RAD51B: variants seen among roughly 807,000 people sequenced by gnomAD.
RAD51B encodes RAD51 paralog B, also known as DNA repair protein RAD51 homolog 2.
In RAD51B, 38 loss-of-function variants were observed where a neutral mutation model predicts 42.2. The ratio of observed to expected loss-of-function variants is 0.90; its 90% CI spans 0.70 to 1.18. The LOEUF (loss-of-function observed/expected upper bound fraction) is 1.18. Ranked by LOEUF, RAD51B falls within the 50% of genes most tolerant of loss-of-function variation. RAD51B has a pLI of 0.00. For missense variants in RAD51B, 373 were observed against 400.7 expected (o/e 0.93, Z 0.59); for synonymous variants, 154 against 145.2 (o/e 1.06, Z -0.43).
At chr14:68,227,956 T>C (rs1404968468) in intron 7 of RAD51B, among the ~76,000 whole-genome samples, 1 of 152,242 alleles carries the variant, frequency 6.6e-6, no homozygotes, top group Non-Finnish European at 1.5e-5. Flanking sequence ...ATAGTCATTA[T>C]GTATTAAGGG....
chr14:68,611,256 A>G (rs1354006891), exon 11 of RAD51B: 3 of 702,164 alleles, frequency 4.3e-6, no homozygotes, highest in African/African-American at 3.5e-5. Context: ...AACCCAGCCT[A>G]GTTTTTCACC....
chr14:68,383,679 G>A (rs1320901408), intron 8 of RAD51B, among the ~76,000 whole-genome samples: 1 of 151,872 alleles, frequency 6.6e-6, no homozygotes, highest in Admixed American at 6.6e-5. Flanking sequence ...CTACTTGCAA[G>A]AATGCCATCT....
chr14:68,633,775 C>T (rs757277011), intron 10 of RAD51B, among the ~76,000 whole-genome samples: 10 of 152,238 alleles, frequency 6.6e-5, no homozygotes, highest in Non-Finnish European at 2.9e-5. Flanking sequence ...GTTCCTACCT[C>T]GCCCTAAGAT....
intron 7 of RAD51B, among the ~76,000 whole-genome samples, chr14:68,192,466 A>C (rs957514359): frequency 3.9e-5 from 6 of 152,200 alleles, no homozygotes; most frequent in African/African-American, 1.2e-4. Flanking sequence ...TAATCTTTAT[A>C]TTTCAGCTGA....
At chr14:68,267,928 C>A (rs2081025880) in intron 7 of RAD51B, among the ~76,000 whole-genome samples, 1 of 148,954 alleles carries the variant, frequency 6.7e-6, no homozygotes, top group Non-Finnish European at 1.5e-5. Context: ...ACAGATAAAA[C>A]CAAACTTTTC....
intron 7 of RAD51B, among the ~76,000 whole-genome samples, chr14:68,033,096 C>T (rs1037490812): frequency 4.6e-5 from 7 of 152,086 alleles, no homozygotes; most frequent in African/African-American, 1.4e-4. Flanking sequence ...TCCTTATCTC[C>T]CCCCAAGATT....
intron 7 of RAD51B, among the ~76,000 whole-genome samples, chr14:68,050,894 A>G (rs1326019363): frequency 6.6e-6 from 1 of 151,186 alleles, no homozygotes; most frequent in Admixed American, 6.6e-5. Flanking sequence ...CTTTTTTTTT[A>G]TTTATTTATA....
intron 10 of RAD51B, among the ~76,000 whole-genome samples, chr14:68,492,965 C>T (rs552766264): frequency 1.3e-5 from 2 of 152,310 alleles, no homozygotes; most frequent in African/African-American, 4.8e-5. Flanking sequence ...GATTTAAATT[C>T]TTCTCAGACA....
At chr14:68,403,098 T>A (rs1489363854) in intron 8 of RAD51B, among the ~76,000 whole-genome samples, 1 of 152,246 alleles carries the variant, frequency 6.6e-6, no homozygotes, top group African/African-American at 2.4e-5. Context: ...AGTGGTAACA[T>A]ACCATCTTCT....
At chr14:67,837,112 A>T (rs935862525) in intron 4 of RAD51B, among the ~76,000 whole-genome samples, 3 of 152,120 alleles carry the variant, frequency 2.0e-5, no homozygotes, top group Non-Finnish European at 2.9e-5. Context: ...TAGTTGGTAA[A>T]TAAATGCGTG....
downstream of RAD51B, among the ~76,000 whole-genome samples, chr14:68,481,652 T>A (rs1271088939): frequency 6.6e-6 from 1 of 152,190 alleles, no homozygotes; most frequent in African/African-American, 2.4e-5. Context: ...TCTCTACAGA[T>A]GAGGAACTGA....
At chr14:68,109,878 C>G (rs1338998016) in intron 7 of RAD51B, among the ~76,000 whole-genome samples, 1 of 151,842 alleles carries the variant, frequency 6.6e-6, no homozygotes, top group Non-Finnish European at 1.5e-5. Context: ...ACAGTCAATG[C>G]CTGCAAAATC....
intron 10 of RAD51B, among the ~76,000 whole-genome samples, chr14:68,502,766 T>C (rs1054649723): frequency 6.6e-6 from 1 of 152,162 alleles, no homozygotes; most frequent in Non-Finnish European, 1.5e-5. Context: ...GCGGTGCCTA[T>C]TCAAGGGCTC....
chr14:67,947,227 A>G (rs1337574329), intron 7 of RAD51B, among the ~76,000 whole-genome samples: 1 of 152,226 alleles, frequency 6.6e-6, no homozygotes, highest in Non-Finnish European at 1.5e-5. Flanking sequence ...AAATAGTAAA[A>G]TTACCCAAAG....
chr14:68,426,303 C>T (rs1448670278), intron 9 of RAD51B, among the ~76,000 whole-genome samples: 10 of 151,444 alleles, frequency 6.6e-5, no homozygotes, highest in African/African-American at 1.7e-4. Flanking sequence ...TTCGAACTCC[C>T]GACCTCAGGT....
chr14:68,569,906 C>T (rs146016792), intron 10 of RAD51B, among the ~76,000 whole-genome samples: 100 of 152,196 alleles, frequency 6.6e-4, no homozygotes, highest in African/African-American at 2.3e-3. Flanking sequence ...TCCCTTTTTG[C>T]GGGGCACAAG....
At chr14:68,139,294 G>A (rs1249039926) in intron 7 of RAD51B, among the ~76,000 whole-genome samples, 1 of 150,706 alleles carries the variant, frequency 6.6e-6, no homozygotes, top group African/African-American at 2.5e-5. Context: ...TTGTATAGAT[G>A]AGAAAGTTGA....
At chr14:68,349,329 C>T (rs1436895612) in intron 8 of RAD51B, among the ~76,000 whole-genome samples, 1 of 151,906 alleles carries the variant, frequency 6.6e-6, no homozygotes, top group African/African-American at 2.4e-5. Flanking sequence ...GTTCTCTTTA[C>T]AGGGCAAAGG....
intron 10 of RAD51B, among the ~76,000 whole-genome samples, chr14:68,521,692 T>C (rs1886593875): frequency 6.6e-6 from 1 of 152,226 alleles, no homozygotes; most frequent in Non-Finnish European, 1.5e-5. Context: ...GCTGCCACCC[T>C]GTTCCCTTCT....
Sources: gnomAD v4.1 joint callset for allele counts (sites outside exome capture counted in the v4.1 genomes callset) on GRCh38, gnomAD v4.1.1 for gene constraint, MANE v1.5 for transcripts, NCBI Gene and HGNC (gene_info 2026-07-23, HGNC 2026-07-21) for gene names.